The following IFT81 variants were observed in gnomAD, a reference collection of about 807,000 sequenced individuals.
The protein encoded by IFT81 is intraflagellar transport protein 81 homolog.
In IFT81, 72 loss-of-function variants were observed where a neutral mutation model predicts 102.6. The ratio of observed to expected loss-of-function variants is 0.70; its 90% CI spans 0.58 to 0.85. The LOEUF is 0.85. Ranked by LOEUF, IFT81 falls within the 40% of genes least tolerant of loss-of-function variation. IFT81 has a pLI of 0.00. For synonymous variants in IFT81, 237 were observed against 242.7 expected (o/e 0.98, Z 0.22); for missense variants, 723 against 787.3 (o/e 0.92, Z 0.98).
At position 110,170,101 on chromosome 12, in the gene IFT81, C is replaced by T. The variant is rs1284667412; in HGVS notation, c.1188+7036C>T. Among the ~76,000 whole-genome samples, 11 of 151,856 alleles carry T rather than the reference C, an allele frequency of 7.2e-5. 1 individual carries two copies. The highest frequency in any genetic ancestry group is 6.2e-4 in the South Asian group (3 of 4,810). ...CCGAGTAGCTGGGACTACAGGTGCC[C>T]GCCACCATGCCCGGCTAATTTTTTT... is the stretch of plus-strand genomic sequence containing the variant. On this transcript the variant is annotated intron_variant, in intron 11 of 18. Transcript: ENST00000242591.
chr12:110,127,507 GC>G lies in IFT81; in HGVS notation c.128del (p.Ala43ValfsTer24). 1 of 1,598,336 alleles carries G rather than the reference GC, an allele frequency of 6.3e-7. No homozygotes were observed. The highest frequency in any genetic ancestry group is 2.2e-5 in the East Asian group (1 of 44,686). ...QLLQVLSDVL[A>X]EIDPKQLVDI... ...ATTACAAGTTCTCAGTGATGTTCTG[GC>G]TGAGATTGACCCAAAGGTAAGAGTT... On this transcript the variant is annotated frameshift_variant, in exon 2 of 19. Coordinates refer to ENST00000242591, the MANE Select transcript of IFT81 (RefSeq NM_014055.4). LOFTEE classifies it high-confidence loss of function.
At chr12:110,129,780 G>A (rs1430166339) in intron 4 of IFT81, among the ~76,000 whole-genome samples, 1 of 152,142 alleles carries the variant, frequency 6.6e-6, no homozygotes, top group Non-Finnish European at 1.5e-5. Context: ...TAAGCACATT[G>A]CTGGTCAAAG....
At chr12:110,128,786 C>CAAAAAA (rs59756924) in intron 3 of IFT81, among the ~76,000 whole-genome samples, 164 bp from the exon 4 acceptor site, 2 of 68,762 alleles carry the variant, frequency 2.9e-5, no homozygotes, top group African/African-American at 1.1e-4. Flanking sequence ...GACCCTGTCT[C>CAAAAAA]AAAAAAAAAA....
intron 8 of IFT81, among the ~76,000 whole-genome samples, chr12:110,137,503 G>A (rs1345548733): frequency 2.6e-5 from 4 of 151,928 alleles, no homozygotes; most frequent in African/African-American, 7.3e-5. Flanking sequence ...GGAGGCTGAG[G>A]CGGGTGGATC....
rs1034528437 is a variant in IFT81, at chr12:110,124,396, G to C, written c.-487G>C. On this transcript the variant is annotated 5_prime_UTR_variant, in exon 1 of 19. Coordinates refer to ENST00000242591, the MANE Select transcript of IFT81 (RefSeq NM_014055.4). Reference sequence around the variant, plus strand: ...CGACTCTGGGAGCGGTCTAGAGCCCGGGCGCCTCCTGGGGGGTGGGGAAAC... The same window carrying C: ...CGACTCTGGGAGCGGTCTAGAGCCCCGGCGCCTCCTGGGGGGTGGGGAAAC... 16 of 152,332 alleles carry C rather than the reference G, an allele frequency of 1.1e-4. No individual in the cohort carries two copies. The East Asian group carries it at 2.1e-3, about 20-fold the overall frequency. 9.4% of individuals were successfully genotyped at this position (152,332 alleles called of 1,614,324 possible).
chr12:110,192,798 T>A (rs758640063), intron 14 of IFT81, 92 bp downstream of exon 14: 19 of 684,804 alleles, frequency 2.8e-5, no homozygotes, highest in Non-Finnish European at 4.4e-5. Context: ...CTGGATATTT[T>A]ACTTGGGTAA....
At chr12:110,155,822 C>T (rs1459562679) in intron 10 of IFT81, among the ~76,000 whole-genome samples, 3 of 152,152 alleles carry the variant, frequency 2.0e-5, no homozygotes, top group Middle Eastern at 3.4e-3. Flanking sequence ...ATTCCTTTCT[C>T]ATTTCCTTTG....
chr12:110,126,451 T>TG (rs1267880976), intron 1 of IFT81, among the ~76,000 whole-genome samples: 1 of 151,302 alleles, frequency 6.6e-6, no homozygotes, highest in Non-Finnish European at 1.5e-5. Flanking sequence ...GAAAGATGGT[T>TG]GGGGGGGTTT....
chr12:110,180,430 A>G lies in IFT81; in HGVS notation c.1197A>G (p.Arg399=), dbSNP rs16940805. The G allele has an allele frequency of 0.063, 100,601 of 1,596,842 alleles. 3,584 individuals carry two copies. Among genetic ancestry groups the G allele is most frequent in the Non-Finnish European group, 0.072 (84,061 of 1,166,810 alleles). ...TEVLKGDEFK[R]YVNKLRSKST... ...TTGTGTTTTTTTTACAGTTCAAACG[A>G]TATGTCAATAAACTTCGAAGCAAGA... The change falls in exon 12 of 19, where the codon CGA becomes CGG. Residue 399 remains arginine, a synonymous_variant. Coordinates refer to ENST00000242591, the MANE Select transcript of IFT81 (RefSeq NM_014055.4).
chr12:110,161,134 C>CTTT (rs550038213), intron 10 of IFT81, among the ~76,000 whole-genome samples: 2 of 132,554 alleles, frequency 1.5e-5, no homozygotes, highest in Non-Finnish European at 3.2e-5. Flanking sequence ...TTCTTCACCA[C>CTTT]TTTTTTTTTT....
Position 110,218,526 on chromosome 12 carries a change from A to G in IFT81, c.*300A>G, listed in dbSNP as rs992130369. 14 of 204,840 alleles carry G rather than the reference A, an allele frequency of 6.8e-5. No homozygotes were observed. The highest frequency in any genetic ancestry group is 5.3e-4 in the Admixed American group (9 of 16,998). 12.7% of individuals were successfully genotyped at this position (204,840 alleles called of 1,614,324 possible). A position where few individuals can be genotyped will look rare whatever the true frequency, so the allele number is the denominator to read the frequency against. The stretch of plus-strand genomic sequence containing the variant: ...AACATATGTCCATTAAGAAACATGT[A>G]GTTTTTTTTTAGAATGTAATAACCC... On this transcript the variant is annotated 3_prime_UTR_variant, in exon 19 of 19. Coordinates refer to ENST00000242591, the MANE Select transcript of IFT81 (RefSeq NM_014055.4).
chr12:110,207,314 C>T (rs577196824), intron 17 of IFT81, among the ~76,000 whole-genome samples: 5 of 152,294 alleles, frequency 3.3e-5, no homozygotes, highest in African/African-American at 1.2e-4. Flanking sequence ...CCCTCCTCAG[C>T]CTCCCAGAGT....
chr12:110,212,043 T>C (rs1482491667), intron 18 of IFT81, among the ~76,000 whole-genome samples: 1 of 152,188 alleles, frequency 6.6e-6, no homozygotes, highest in Non-Finnish European at 1.5e-5. Context: ...TATGACTCAA[T>C]ACATTGGTGA....
chr12:110,145,940 A>G (rs1436477273), intron 9 of IFT81, among the ~76,000 whole-genome samples: 2 of 151,636 alleles, frequency 1.3e-5, no homozygotes, highest in African/African-American at 4.9e-5. Context: ...CCCCTGGAGT[A>G]GCCAGGACTA....
intron 3 of IFT81, 56 bp downstream of exon 3, chr12:110,128,205 T>G: frequency 9.7e-7 from 1 of 1,033,240 alleles, no homozygotes; most frequent in Admixed American, 1.8e-5. Flanking sequence ...ATCCAAACCT[T>G]CATATACTGC....
At chr12:110,215,444 CTT>C in intron 18 of IFT81, among the ~76,000 whole-genome samples, 2 of 113,272 alleles carry the variant, frequency 1.8e-5, no homozygotes, top group Non-Finnish European at 3.6e-5. Flanking sequence ...TTCTCTTCTT[CTT>C]CTTCTTCTTT....
intron 10 of IFT81, among the ~76,000 whole-genome samples, chr12:110,153,109 A>G (rs897252627): frequency 1.3e-5 from 2 of 152,166 alleles, no homozygotes; most frequent in African/African-American, 2.4e-5. Flanking sequence ...CATTTGCCCT[A>G]TGTTTCCTTC....
intron 10 of IFT81, among the ~76,000 whole-genome samples, chr12:110,161,554 C>G (rs1896136929): frequency 6.6e-6 from 1 of 152,038 alleles, no homozygotes; most frequent in African/African-American, 2.4e-5. Flanking sequence ...AGTGAGCCTC[C>G]TATCTCAGCC....
At chr12:110,143,300 A>G in intron 8 of IFT81, 82 bp from the exon 9 acceptor site, 2 of 813,528 alleles carry the variant, frequency 2.5e-6, no homozygotes, top group South Asian at 4.1e-5. Context: ...TGCCGTATCC[A>G]GGTCTTATAT....
Sources: gnomAD v4.1 joint callset for allele counts (sites outside exome capture counted in the v4.1 genomes callset) on GRCh38, gnomAD v4.1.1 for gene constraint, MANE v1.5 for transcripts, NCBI Gene and HGNC (gene_info 2026-07-23, HGNC 2026-07-21) for gene names.